The following RNF41 variants were observed in gnomAD, a reference collection of about 807,000 sequenced individuals.
RNF41 encodes the protein ring finger protein 41.
A neutral mutation model predicts 33.0 loss-of-function variants in RNF41; 4 were observed. The ratio of observed to expected loss-of-function variants is 0.12; its 90% CI spans 0.06 to 0.28. The LOEUF (loss-of-function observed/expected upper bound fraction) is 0.28. RNF41 is among the 10% of genes least tolerant of loss of function. The probability of loss-of-function intolerance (pLI) is 1.00; values close to 1 mark genes in which losing one functional copy is unlikely to be tolerated. For missense variants in RNF41, 228 were observed against 432.6 expected, an observed-to-expected ratio of 0.53 and a Z score of 4.19; for synonymous variants, 164 against 153.2, an observed-to-expected ratio of 1.07 and a Z score of -0.52.
Position 56,215,530 on chromosome 12 carries a change from C to T in RNF41, c.-24+899G>A, listed in dbSNP as rs148002714. Among the ~76,000 whole-genome samples, 478 of 151,972 alleles carry T rather than the reference C, an allele frequency of 3.1e-3. 5 individuals carry two copies. The highest frequency in any genetic ancestry group is 0.011 in the African/African-American group (460 of 41,448). On this transcript the variant is annotated intron_variant, in intron 2 of 6. Transcript: ENST00000345093. ...GGTCAAGAGATCAACACCATCCTGG[C>T]CAACATGGCGAAACCCCGTCTCTAC...
chr12:56,214,042 C>T lies in RNF41; in HGVS notation c.6G>A (p.Gly2=), dbSNP rs1204546116. Residue 2 remains glycine, a synonymous_variant, in exon 3 of 7, where the codon GGG becomes GGA. Coordinates refer to ENST00000345093, the MANE Select transcript of RNF41 (RefSeq NM_005785.4). ...CCCCCTGGAAACGGGTTACATCATACCCCATGTCTCATCACTGAAACCCAG... is the reference window on the plus strand; with the variant it reads ...CCCCCTGGAAACGGGTTACATCATATCCCATGTCTCATCACTGAAACCCAG... M[G]YDVTRFQGDV... The T allele has an allele frequency of 6.2e-7, 1 of 1,611,828 alleles. No individual in the cohort carries two copies. The highest frequency in any genetic ancestry group is 1.3e-5 in the African/African-American group (1 of 74,978).
rs529994110 is a variant in RNF41, at chr12:56,206,202, T to C, written c.*245A>G. On this transcript the variant is annotated 3_prime_UTR_variant, in exon 7 of 7. Transcript: ENST00000345093. This position sits in a 1 kb window ranked among gnomAD's most constrained non-coding sequence, Gnocchi z 5.7. ...CAGGAAAATGGATGGAGGTGGGGGC[T>C]TTCCCACCCAGACTGATAATTTATA... The C allele has an allele frequency of 4.5e-5, 20 of 448,822 alleles. No individual in the cohort carries two copies. Among genetic ancestry groups the C allele is most frequent in the Non-Finnish European group, 7.9e-5 (20 of 253,028 alleles). The allele number at this position is 448,822 out of a possible 1,614,324, so 27.8% of individuals were successfully genotyped here.
At chr12:56,211,235 G>C (rs1259195707) in intron 3 of RNF41, among the ~76,000 whole-genome samples, 1 of 152,146 alleles carries the variant, frequency 6.6e-6, no homozygotes, top group Non-Finnish European at 1.5e-5. Flanking sequence ...GGAGGCTGAG[G>C]TGGGAGGATG....
At chr12:56,208,034 G>A (rs1313086605) in intron 5 of RNF41, 129 bp downstream of exon 5, 2 of 1,143,524 alleles carry the variant, frequency 1.7e-6, no homozygotes, top group South Asian at 1.4e-5. Context: ...GCCACAGGCA[G>A]AATATCCACT....
intron 2 of RNF41, 98 bp from the exon 3 acceptor site, chr12:56,214,168 A>T (rs1418430988): frequency 1.4e-6 from 1 of 733,852 alleles, no homozygotes; most frequent in African/African-American, 1.7e-5. Context: ...TTATCCAACA[A>T]ATATTTACTG....
At chr12:56,215,540 G>A (rs1320518549) in intron 2 of RNF41, among the ~76,000 whole-genome samples, 1 of 151,860 alleles carries the variant, frequency 6.6e-6, no homozygotes, top group Non-Finnish European at 1.5e-5. Context: ...CCAACATGGC[G>A]AAACCCCGTC....
At chr12:56,215,611 C>A (rs560843807) in intron 2 of RNF41, among the ~76,000 whole-genome samples, 1 of 146,284 alleles carries the variant, frequency 6.8e-6, no homozygotes, top group East Asian at 2.1e-4. Flanking sequence ...CCCAGCTACT[C>A]GGGAGGCTGA....
rs868335616 is a variant in RNF41 at position 56,210,538 on chromosome 12, C to G, written c.121G>C (p.Ala41Pro). The change falls in exon 4 of 7, where the codon GCC becomes CCC. Residue 41 changes from alanine to proline, a missense_variant. Coordinates refer to ENST00000345093, the MANE Select transcript of RNF41 (RefSeq NM_005785.4). ...APHCEHAFCN[A>P]CITQWFSQQQ... ...TGAGAGAACCACTGGGTGATGCAGG[C>G]GTTGCAGAAAGCATGTTCACAATGA... 6.2e-7 allele frequency: 1 copy of G among 1,613,554 alleles called. No homozygotes were observed.
chr12:56,208,995 G>T (rs973597464), intron 4 of RNF41, among the ~76,000 whole-genome samples: 3 of 151,346 alleles, frequency 2.0e-5, no homozygotes, highest in Non-Finnish European at 2.9e-5. Context: ...CTCCCGAGTA[G>T]CTGGGATTAC....
At chr12:56,210,152 C>A in intron 4 of RNF41, 145 bp downstream of exon 4, 1 of 790,740 alleles carries the variant, frequency 1.3e-6, no homozygotes, top group South Asian at 1.8e-5. Flanking sequence ...AAAGTAAGAT[C>A]TTAGAGCAGG....
At chr12:56,214,553 G>A (rs1021104092) in intron 2 of RNF41, among the ~76,000 whole-genome samples, 3 of 148,684 alleles carry the variant, frequency 2.0e-5, no homozygotes, top group African/African-American at 7.4e-5. Context: ...CTAAGGCCTG[G>A]CACAGTGGCT....
At chr12:56,210,128 G>A (rs1196226197) in intron 4 of RNF41, 169 bp downstream of exon 4, 3 of 669,636 alleles carry the variant, frequency 4.5e-6, no homozygotes, top group Middle Eastern at 4.2e-4. Context: ...GATTATAGTT[G>A]GAAAAGCAGC....
At position 56,210,588 on chromosome 12, in the gene RNF41, A is replaced by C. The variant is rs1027040346; in HGVS notation, c.91-20T>G. The C allele has an allele frequency of 2.5e-6, 4 of 1,606,278 alleles. No individual in the cohort carries two copies. The highest frequency in any genetic ancestry group is 2.5e-6 in the Non-Finnish European group (3 of 1,178,588). ...AGGTGCCTAGAAGAGAGAACAAGGC[A>C]AAAGGGGCGCAAGGGAATTAGCAGG... is the stretch of plus-strand genomic sequence containing the variant. On this transcript the variant is annotated intron_variant, in intron 3 of 6. Transcript: ENST00000345093.
intron 3 of RNF41, chr12:56,213,183 T>C: frequency 1.7e-6 from 2 of 1,201,252 alleles, no homozygotes. Flanking sequence ...TACATACAGT[T>C]CCCCACTTCC....
Position 56,202,625 on chromosome 12 carries a change from C to G in RNF41, c.*3822G>C, listed in dbSNP as rs1878639053. On this transcript the variant is annotated 3_prime_UTR_variant, in exon 7 of 7. Coordinates refer to ENST00000345093, the MANE Select transcript of RNF41 (RefSeq NM_005785.4). ...AAGTAACACTTCCTGAAAAGCCTTT[C>G]CTGATACCCATCAGAATCAGGAGCT... is the stretch of plus-strand genomic sequence containing the variant. 1 of 152,180 alleles carries G rather than the reference C, an allele frequency of 6.6e-6. No homozygotes were observed. Among genetic ancestry groups the G allele is most frequent in the African/African-American group, 2.4e-5 (1 of 41,444 alleles). The allele number at this position is 152,180 out of a possible 1,614,324, so 9.4% of individuals were successfully genotyped here. A position where few individuals can be genotyped will look rare whatever the true frequency, so the allele number is the denominator to read the frequency against.
intron 4 of RNF41, among the ~76,000 whole-genome samples, chr12:56,208,865 C>CTTT (rs751108778): frequency 7.8e-6 from 1 of 127,476 alleles, no homozygotes; most frequent in Non-Finnish European, 1.7e-5. Context: ...CGCGCCTGGC[C>CTTT]TTTTTTTTTT....
chr12:56,213,205 GTT>G (rs796258832), intron 3 of RNF41: 451 of 840,322 alleles, frequency 5.4e-4, no homozygotes, highest in East Asian at 1.1e-3. Flanking sequence ...ATTTGTTTTT[GTT>G]TTTTTTTTTT....
In RNF41 at chr12:56,214,180, G is replaced by C. The variant is rs1868686198; in HGVS notation, c.-23-110C>G. ...CATTTATCCAACAAATATTTACTGG[G>C]AGTCTACTATGCAGCAGTCATTTGG... On this transcript the variant is annotated intron_variant, in intron 2 of 6. Coordinates refer to ENST00000345093, the MANE Select transcript of RNF41 (RefSeq NM_005785.4). The C allele has an allele frequency of 5.7e-6, 4 of 703,610 alleles. No individual in the cohort carries two copies. In the East Asian group the frequency reaches 1.0e-4, roughly 18 times the overall value. 43.6% of individuals were successfully genotyped at this position (703,610 alleles called of 1,614,324 possible).
chr12:56,209,018 C>A (rs1038008009), intron 4 of RNF41, among the ~76,000 whole-genome samples: 1 of 151,804 alleles, frequency 6.6e-6, no homozygotes, highest in African/African-American at 2.4e-5. Flanking sequence ...GTGCCCACCA[C>A]CACACCTGGC....
Sources: gnomAD v4.1 joint callset for allele counts (sites outside exome capture counted in the v4.1 genomes callset) on GRCh38, gnomAD v4.1.1 for gene constraint, Gnocchi (gnomAD v3.1) non-coding constraint, MANE v1.5 for transcripts, NCBI Gene and HGNC (gene_info 2026-07-23, HGNC 2026-07-21) for gene names.